Variants in SESTD1 observed in about 807,000 individuals in gnomAD.
SESTD1 encodes SEC14 domain and spectrin repeat-containing protein 1.
Under a neutral mutation model 101.7 loss-of-function variants are expected in SESTD1, and 43 were observed. The observed-to-expected ratio is 0.42, with a 90% CI of 0.33 to 0.55. The LOEUF is 0.55. Among genes scored for constraint, SESTD1 ranks in the 20% least tolerant of loss-of-function variants. The probability of loss-of-function intolerance (pLI) is 0.07; values close to 1 mark genes in which losing one functional copy is unlikely to be tolerated. For missense variants in SESTD1, 647 were observed against 815.1 expected (o/e 0.79, Z 2.51); for synonymous variants, 283 against 286.8 (o/e 0.99, Z 0.13).
chr2:179,149,572 C>A (rs1172607067), intron 6 of SESTD1, among the ~76,000 whole-genome samples, 178 bp from the exon 7 acceptor site: 1 of 152,146 alleles, frequency 6.6e-6, no homozygotes, highest in Non-Finnish European at 1.5e-5. Context: ...AAACTGTTTC[C>A]TAAAGCAATG....
intron 2 of SESTD1, among the ~76,000 whole-genome samples, chr2:179,191,253 A>C (rs976364333): frequency 1.3e-5 from 2 of 152,210 alleles, no homozygotes; most frequent in African/African-American, 4.8e-5. Flanking sequence ...CTGTAAAAAA[A>C]CAGGGAAATC....
chr2:179,156,507 A>G (rs753250710), intron 5 of SESTD1, among the ~76,000 whole-genome samples: 19 of 152,164 alleles, frequency 1.2e-4, no homozygotes, highest in Non-Finnish European at 2.4e-4. Flanking sequence ...TTTTTTGATT[A>G]TAGCCATTCT....
chr2:179,148,099 T>C (rs1026707060), intron 7 of SESTD1, among the ~76,000 whole-genome samples: 2 of 152,236 alleles, frequency 1.3e-5, no homozygotes, highest in Non-Finnish European at 2.9e-5. Flanking sequence ...CCGTTTGTTT[T>C]CACAGTTTGA....
At chr2:179,233,801 T>C (rs10170430) in intron 1 of SESTD1, among the ~76,000 whole-genome samples, 25,305 of 152,146 alleles carry the variant, frequency 0.17, 2,320 homozygotes, top group South Asian at 0.29. Context: ...CATGCATGCA[T>C]GCATGCGTGT....
At chr2:179,146,573 CAT>C in intron 7 of SESTD1, 116 bp from the exon 8 acceptor site, 1 of 788,400 alleles carries the variant, frequency 1.3e-6, no homozygotes, top group Non-Finnish European at 2.0e-6. Context: ...AAATCTGAAG[CAT>C]ACCATCCTAC....
intron 1 of SESTD1, among the ~76,000 whole-genome samples, chr2:179,232,182 CA>C (rs1209553807): frequency 1.3e-5 from 2 of 151,866 alleles, no homozygotes; most frequent in African/African-American, 2.4e-5. Context: ...ATAATTCTAA[CA>C]AAACCAGATA....
intron 5 of SESTD1, among the ~76,000 whole-genome samples, chr2:179,169,369 T>C (rs2045891266): frequency 6.6e-6 from 1 of 151,888 alleles, no homozygotes; most frequent in African/African-American, 2.4e-5. Context: ...AAATGATAAA[T>C]TGGGCCCTAC....
Position 179,213,629 on chromosome 2 carries a change from A to C in SESTD1, c.-25-21763T>G, listed in dbSNP as rs1423854779. ...ACCTGGCAAGGAGGCCAATATTCAAATTTAGGAAATACAAAGAATACCACA... is the reference window on the plus strand; with the variant it reads ...ACCTGGCAAGGAGGCCAATATTCAACTTTAGGAAATACAAAGAATACCACA... On this transcript the variant is annotated intron_variant, in intron 1 of 17. Transcript: ENST00000428443. Among the ~76,000 whole-genome samples the C allele has an allele frequency of 2.2e-5, 3 of 134,842 alleles. 1 individual carries two copies. Among genetic ancestry groups the C allele is most frequent in the Non-Finnish European group, 4.8e-5 (3 of 62,762 alleles). 88.5% of individuals were successfully genotyped at this position (134,842 alleles called of 152,430 possible).
At chr2:179,223,259 A>G (rs2046838477) in intron 1 of SESTD1, among the ~76,000 whole-genome samples, 1 of 152,174 alleles carries the variant, frequency 6.6e-6, no homozygotes, top group African/African-American at 2.4e-5. Flanking sequence ...GTAGTAGGCC[A>G]GTGGCTGCCT....
chr2:179,197,874 A>G (rs201603585), intron 1 of SESTD1, among the ~76,000 whole-genome samples: 1 of 152,168 alleles, frequency 6.6e-6, no homozygotes, highest in Non-Finnish European at 1.5e-5. Flanking sequence ...TGTAAAGACC[A>G]TCGAGACTAG....
rs1479945819 is a variant in SESTD1 at position 179,102,055 on chromosome 2, A to G, written c.*7844T>C. The G allele has an allele frequency of 6.6e-6, 1 of 152,130 alleles. No individual in the cohort carries two copies. The highest frequency in any genetic ancestry group is 1.5e-5 in the Non-Finnish European group (1 of 68,020). 9.4% of individuals were successfully genotyped at this position (152,130 alleles called of 1,614,324 possible). A position where few individuals can be genotyped will look rare whatever the true frequency, so the allele number is the denominator to read the frequency against. On this transcript the variant is annotated 3_prime_UTR_variant, in exon 18 of 18. Coordinates refer to ENST00000428443, the MANE Select transcript of SESTD1 (RefSeq NM_178123.5). ...AGCTTTGTTGTAATATGCCTCCTCC[A>G]TCCCTAAATACACATTCACCTTTGA...
chr2:179,164,939 TA>T (rs1356918812), intron 5 of SESTD1, among the ~76,000 whole-genome samples: 8 of 152,324 alleles, frequency 5.3e-5, no homozygotes, highest in African/African-American at 1.4e-4. Context: ...GTTTTTAAAA[TA>T]TTTTTTTAAA....
chr2:179,117,475 G>C (rs1451013045), intron 14 of SESTD1, 57 bp downstream of exon 14: 4 of 1,438,016 alleles, frequency 2.8e-6, no homozygotes, highest in Middle Eastern at 1.7e-4. Flanking sequence ...TTTGTAGTTA[G>C]ATAAAATCAA....
At chr2:179,243,011 G>C (rs2047177396) in intron 1 of SESTD1, among the ~76,000 whole-genome samples, 1 of 152,110 alleles carries the variant, frequency 6.6e-6, no homozygotes, top group Non-Finnish European at 1.5e-5. Flanking sequence ...ACAGTAAACA[G>C]ACAACCTACA....
chr2:179,239,058 ATTAT>A lies in SESTD1; in HGVS notation c.-26+25437_-26+25440del, dbSNP rs539372903. Among the ~76,000 whole-genome samples the A allele has an allele frequency of 5.8e-4, 88 of 152,268 alleles. 1 individual carries two copies. Among genetic ancestry groups the A allele is most frequent in the African/African-American group, 1.8e-3 (74 of 41,564 alleles). On this transcript the variant is annotated intron_variant, in intron 1 of 17. Transcript: ENST00000428443. ...TTTGATTTCTCTGCTGTAGCAGTAA[ATTAT>A]TTATTATCTATATTTGTGCCAACTA...
At chr2:179,158,886 C>T (rs574843592) in intron 5 of SESTD1, among the ~76,000 whole-genome samples, 32 of 152,256 alleles carry the variant, frequency 2.1e-4, no homozygotes, top group African/African-American at 7.2e-4. Context: ...TTTACACAAT[C>T]GGCAGACTCA....
At chr2:179,222,548 AT>A (rs1278002412) in intron 1 of SESTD1, among the ~76,000 whole-genome samples, 1 of 152,152 alleles carries the variant, frequency 6.6e-6, no homozygotes, top group Admixed American at 6.6e-5. Flanking sequence ...ATCCAGAAAA[AT>A]AACAGTCCCA....
chr2:179,137,030 T>C (rs926252248), intron 9 of SESTD1, among the ~76,000 whole-genome samples: 1 of 152,118 alleles, frequency 6.6e-6, no homozygotes, highest in Non-Finnish European at 1.5e-5. Context: ...AGTAAACAAG[T>C]CTATTTAAAT....
intron 17 of SESTD1, among the ~76,000 whole-genome samples, chr2:179,111,452 T>G (rs2044504093): frequency 6.6e-6 from 1 of 152,134 alleles, no homozygotes; most frequent in South Asian, 2.1e-4. Context: ...GGTATGAGTG[T>G]TACATGGCAG....
Sources: gnomAD v4.1 joint callset for allele counts (sites outside exome capture counted in the v4.1 genomes callset) on GRCh38, gnomAD v4.1.1 for gene constraint, MANE v1.5 for transcripts, NCBI Gene and HGNC (gene_info 2026-07-23, HGNC 2026-07-21) for gene names.